Variants in SP100 observed in about 807,000 individuals in gnomAD.
The protein encoded by SP100 is SP100 nuclear body protein, also known as nuclear autoantigen Sp-100.
A neutral mutation model predicts 130.0 loss-of-function variants in SP100; 84 were observed. The ratio of observed to expected loss-of-function variants is 0.65; its 90% CI spans 0.54 to 0.77. The LOEUF is 0.77. Ranked by LOEUF, SP100 falls within the 30% of genes least tolerant of loss-of-function variation. SP100 has a pLI of 0.00. For synonymous variants in SP100, 331 were observed against 351.7 expected (o/e 0.94, Z 0.66); for missense variants, 978 against 1,052.2 (o/e 0.93, Z 0.97).
At chr2:230,489,646 C>T (rs1230425843) in intron 17 of SP100, among the ~76,000 whole-genome samples, 1 of 152,098 alleles carries the variant, frequency 6.6e-6, no homozygotes, top group East Asian at 1.9e-4. Context: ...CCGATGTGGG[C>T]ATTTAGTGCT....
At chr2:230,476,869 T>C (rs2065574952) in intron 17 of SP100, among the ~76,000 whole-genome samples, 2 of 152,156 alleles carry the variant, frequency 1.3e-5, no homozygotes, top group Admixed American at 1.3e-4. Flanking sequence ...TGTTTTGTTG[T>C]GTTTTTGTTT....
At chr2:230,439,353 T>G (rs1257015698) in intron 2 of SP100, among the ~76,000 whole-genome samples, 3 of 152,194 alleles carry the variant, frequency 2.0e-5, no homozygotes, top group East Asian at 3.8e-4. Context: ...GGTGTTTTGA[T>G]GGGAATTGCA....
intron 22 of SP100, chr2:230,506,806 C>T: frequency 6.3e-6 from 1 of 158,046 alleles, no homozygotes; most frequent in East Asian, 1.8e-4. Context: ...CACACACACA[C>T]ACACACACAC....
chr2:230,506,803 A>T, intron 22 of SP100: 1 of 157,662 alleles, frequency 6.3e-6, no homozygotes, highest in South Asian at 2.0e-4. Context: ...ACACACACAC[A>T]CACACACACA....
intron 24 of SP100, among the ~76,000 whole-genome samples, chr2:230,524,196 A>AAAAAAAAAAAAAAAAAG (rs1559534607): frequency 9.1e-6 from 1 of 110,234 alleles, no homozygotes; most frequent in African/African-American, 2.7e-5. Flanking sequence ...AAAAAAAAAA[A>AAAAAAAAAAAAAAAAAG]AAAAAGAAAA....
At chr2:230,429,502 A>G (rs1004821850) in intron 2 of SP100, among the ~76,000 whole-genome samples, 1 of 152,062 alleles carries the variant, frequency 6.6e-6, no homozygotes, top group Non-Finnish European at 1.5e-5. Context: ...CTCTCCCCAA[A>G]TGTGGAAAGT....
At chr2:230,419,403 G>A (rs2062706430) in intron 2 of SP100, among the ~76,000 whole-genome samples, 1 of 151,838 alleles carries the variant, frequency 6.6e-6, no homozygotes, top group Non-Finnish European at 1.5e-5. Context: ...TCGCTGAGTA[G>A]CTGTCCTGGT....
intron 20 of SP100, 31 bp from the exon 21 acceptor site, chr2:230,504,155 A>G (rs375606045): frequency 1.6e-6 from 2 of 1,261,054 alleles, no homozygotes; most frequent in Non-Finnish European, 2.3e-6. Context: ...GTAAAAGTAG[A>G]TGGAATGGAA....
At chr2:230,523,387 C>G (rs36078281) in intron 24 of SP100, among the ~76,000 whole-genome samples, 27,465 of 152,084 alleles carry the variant, frequency 0.18, 2,983 homozygotes, top group African/African-American at 0.3. Flanking sequence ...AAAGTGCTGG[C>G]CAGGGATGGT....
chr2:230,505,887 G>C (rs1368682840), intron 21 of SP100, among the ~76,000 whole-genome samples: 2 of 152,104 alleles, frequency 1.3e-5, no homozygotes, highest in Non-Finnish European at 2.9e-5. Flanking sequence ...GGCCACTTGG[G>C]GACCCAAGAG....
intron 2 of SP100, chr2:230,440,627 T>A: frequency 7.7e-7 from 1 of 1,306,368 alleles, no homozygotes; most frequent in Non-Finnish European, 9.9e-7. Context: ...TCCCCCAAAT[T>A]TATCTGTAGC....
intron 24 of SP100, among the ~76,000 whole-genome samples, chr2:230,522,775 A>C (rs1321661536): frequency 6.6e-6 from 1 of 151,898 alleles, no homozygotes; most frequent in Non-Finnish European, 1.5e-5. Flanking sequence ...GGCATGAGCC[A>C]CTGGCACCCA....
At chr2:230,429,177 G>A (rs532348489) in intron 2 of SP100, among the ~76,000 whole-genome samples, 84 of 152,200 alleles carry the variant, frequency 5.5e-4, no homozygotes, top group Non-Finnish European at 8.4e-4. Flanking sequence ...GTTTGGAAAG[G>A]TTTTTATCTC....
At chr2:230,455,653 C>A (rs1225396774) in intron 8 of SP100, among the ~76,000 whole-genome samples, 1 of 152,036 alleles carries the variant, frequency 6.6e-6, no homozygotes, top group Non-Finnish European at 1.5e-5. Flanking sequence ...CTTTCTAAAA[C>A]CATTTTGTTT....
chr2:230,477,705 T>A (rs1054502666), intron 17 of SP100, among the ~76,000 whole-genome samples: 1 of 152,070 alleles, frequency 6.6e-6, no homozygotes, highest in African/African-American at 2.4e-5. Context: ...TTCATTGGGG[T>A]GAATTTTAGA....
At position 230,464,103 on chromosome 2, in the gene SP100, A is replaced by T; in HGVS notation, c.1094A>T (p.Glu365Val). Residue 365 changes from glutamate to valine, a missense_variant, in exon 11 of 29, where the codon GAA (glutamate) becomes GTA (valine). Transcript: ENST00000340126. ...GACAACCCTTTAGAATCAAATGATG[A>T]AAAGGAGGGCCAAGAAGCCACTTGC... Reference protein sequence around the residue: ...NNDNPLESNDEKEGQEATCSR... With the variant: ...NNDNPLESNDVKEGQEATCSR... 6.2e-7 allele frequency: 1 copy of T among 1,613,232 alleles called. No homozygotes were observed. Among genetic ancestry groups the T allele is most frequent in the Non-Finnish European group, 8.5e-7 (1 of 1,179,184 alleles).
At chr2:230,539,005 ATC>A (rs1320410912) in intron 24 of SP100, 1 of 295,214 alleles carries the variant, frequency 3.4e-6, no homozygotes, top group Non-Finnish European at 6.6e-6. Flanking sequence ...TGCTCAAAAA[ATC>A]TCTAATTCAT....
At chr2:230,464,180 T>C in intron 11 of SP100, 30 bp downstream of exon 11, 1 of 1,313,594 alleles carries the variant, frequency 7.6e-7, no homozygotes, top group African/African-American at 1.4e-5. Flanking sequence ...AACCCGAGAC[T>C]GTAGAATATC....
At chr2:230,419,197 G>A (rs933874625) in intron 2 of SP100, among the ~76,000 whole-genome samples, 9 of 152,238 alleles carry the variant, frequency 5.9e-5, no homozygotes, top group African/African-American at 2.2e-4. Flanking sequence ...TACTTTCTGA[G>A]ATTTCAGTTA....
Sources: allele counts gnomAD v4.1 joint callset (sites outside exome capture counted in the v4.1 genomes callset), GRCh38; gene constraint gnomAD v4.1.1; transcripts MANE v1.5; gene names NCBI Gene and HGNC (gene_info 2026-07-23, HGNC 2026-07-21).